The following LRRC9 variants were observed in gnomAD, a reference collection of about 807,000 sequenced individuals.
The protein encoded by LRRC9 is leucine rich repeat containing 9.
LRRC9 carries 122 observed loss-of-function variants against 63.2 expected under a neutral mutation model. The ratio of observed to expected loss-of-function variants is 1.93; its 90% CI spans 1.67 to 2.24. The LOEUF is 2.24. Ranked by LOEUF, LRRC9 falls within the 30% of genes most tolerant of loss-of-function variation. The probability of loss-of-function intolerance (pLI) is 0.00; values close to 1 mark genes in which losing one functional copy is unlikely to be tolerated. For missense variants in LRRC9, 1,071 were observed against 627.7 expected, an observed-to-expected ratio of 1.71 and a Z score of -7.55; for synonymous variants, 366 against 213.1, an observed-to-expected ratio of 1.72 and a Z score of -6.25.
downstream of LRRC9, among the ~76,000 whole-genome samples, chr14:60,066,370 C>T (rs2140491195): frequency 6.6e-6 from 1 of 152,052 alleles, no homozygotes; most frequent in East Asian, 1.9e-4. Flanking sequence ...GCTCTAGGCT[C>T]TTGGCTTCAA....
intron 17 of LRRC9, among the ~76,000 whole-genome samples, chr14:59,991,347 T>C (rs1362206760): frequency 6.6e-6 from 1 of 152,164 alleles, no homozygotes; most frequent in Non-Finnish European, 1.5e-5. Flanking sequence ...AGAGCCAAGA[T>C]GGCCACATAG....
intron 10 of LRRC9, among the ~76,000 whole-genome samples, chr14:59,965,856 C>T (rs553519495): frequency 3.1e-3 from 359 of 115,594 alleles, no homozygotes; most frequent in Middle Eastern, 0.014. Context: ...GCACTCTAGC[C>T]TGGGCGACAG....
At chr14:60,057,326 A>C (rs1894358283) in intron 30 of LRRC9, among the ~76,000 whole-genome samples, 1 of 152,156 alleles carries the variant, frequency 6.6e-6, no homozygotes, top group African/African-American at 2.4e-5. Flanking sequence ...AGCAGGTGTA[A>C]AATGTAAATA....
chr14:59,955,032 G>A (rs1764283538), intron 8 of LRRC9, among the ~76,000 whole-genome samples: 1 of 152,164 alleles, frequency 6.6e-6, no homozygotes, highest in Admixed American at 6.5e-5. Context: ...ATGTGCTGCT[G>A]GATTTGGTTT....
chr14:60,005,219 A>G (rs1307651963), intron 21 of LRRC9, among the ~76,000 whole-genome samples: 4 of 152,094 alleles, frequency 2.6e-5, no homozygotes, highest in Admixed American at 2.0e-4. Flanking sequence ...AGAATCACTT[A>G]GGACACTTAT....
At chr14:59,941,553 A>G (rs1881767151) in intron 7 of LRRC9, among the ~76,000 whole-genome samples, 1 of 151,982 alleles carries the variant, frequency 6.6e-6, no homozygotes, top group African/African-American at 2.4e-5. Context: ...AGTATTATGT[A>G]TATTAAAACA....
intron 30 of LRRC9, chr14:60,057,647 C>G (rs1212669739): frequency 4.6e-6 from 1 of 218,794 alleles, no homozygotes; most frequent in African/African-American, 3.1e-5. Context: ...TGGTACAATG[C>G]AGTCTGAAAA....
Position 60,003,732 on chromosome 14 carries a change from G to T in LRRC9, c.2776G>T (p.Gly926Cys). The change falls in exon 21 of 32, where the codon GGT becomes TGT. Residue 926 changes from glycine to cysteine, a missense_variant. Physicochemically the swap from Gly to Cys is radical, Grantham distance 159. Transcript: ENST00000445360. This position sits in a 1 kb window ranked among gnomAD's most constrained non-coding sequence, Gnocchi z 4.2. ...CAATAATAATCTCACTAAAATGGAG[G>T]GTCTGGAATCCTGTATTAACTTGGA... 2.9e-6 allele frequency: 2 copies of T among 692,302 alleles called. No homozygotes were observed. The highest frequency in any genetic ancestry group is 5.2e-6 in the Non-Finnish European group (2 of 381,384). The allele number at this position is 692,302 out of a possible 1,614,324, so 42.9% of individuals were successfully genotyped here.
intron 29 of LRRC9, among the ~76,000 whole-genome samples, chr14:60,043,230 G>C (rs758614212): frequency 1.3e-5 from 2 of 152,172 alleles, no homozygotes; most frequent in African/African-American, 4.8e-5. Context: ...TAGGATCACA[G>C]TGTCTGCAAA....
At chr14:59,997,813 T>C (rs1291026290) in exon 18 of LRRC9, 6 of 700,836 alleles carry the variant, frequency 8.6e-6, no homozygotes, top group Non-Finnish European at 1.6e-5. Context: ...ACAAGCCTTC[T>C]CACTCTTGAT....
intron 30 of LRRC9, among the ~76,000 whole-genome samples, chr14:60,055,164 A>G (rs1014020304): frequency 6.6e-6 from 1 of 152,242 alleles, no homozygotes; most frequent in African/African-American, 2.4e-5. Flanking sequence ...TGTGATTTTA[A>G]AAGTTTTACA....
chr14:59,947,511 A>C (rs1239457492), intron 8 of LRRC9, among the ~76,000 whole-genome samples: 5 of 131,326 alleles, frequency 3.8e-5, no homozygotes, highest in Non-Finnish European at 8.0e-5. Context: ...CTTTACTTTA[A>C]TTAGATCCCA....
chr14:60,041,968 G>T (rs1210218203), intron 29 of LRRC9, among the ~76,000 whole-genome samples: 1 of 152,098 alleles, frequency 6.6e-6, no homozygotes, highest in Admixed American at 6.5e-5. Flanking sequence ...TCTTTCTAAC[G>T]GTCAGGACCC....
Position 60,042,156 on chromosome 14 carries a change from C to T in LRRC9, c.3990+10093C>T, listed in dbSNP as rs780177080. ...CCAGCTGTATGAGGTGTCAGTCAGC[C>T]CCTACTGGGACGTGCCTCCCAGTTA... On this transcript the variant is annotated intron_variant, in intron 29 of 31. Coordinates refer to ENST00000445360, the Ensembl canonical transcript of LRRC9. The surrounding 1 kb of genome is among the most constrained non-coding windows in gnomAD (Gnocchi z 4.2). Among the ~76,000 whole-genome samples the T allele has an allele frequency of 6.6e-6, 1 of 152,222 alleles. No homozygotes were observed. Among genetic ancestry groups the T allele is most frequent in the Non-Finnish European group, 1.5e-5 (1 of 68,046 alleles).
At chr14:60,006,160 A>G (rs954253589) in intron 21 of LRRC9, among the ~76,000 whole-genome samples, 1 of 152,124 alleles carries the variant, frequency 6.6e-6, no homozygotes, top group African/African-American at 2.4e-5. Context: ...TTAACTCCTA[A>G]GAAGAAGGAA....
chr14:59,938,710 G>T lies in LRRC9; in HGVS notation c.726+138G>T, dbSNP rs1298857009. On this transcript the variant is annotated intron_variant, in intron 7 of 31. Transcript: ENST00000445360. This position sits in a 1 kb window ranked among gnomAD's most constrained non-coding sequence, Gnocchi z 4.2. ...AGTCTGCTTTTGCCCTAGTGAACTG[G>T]ATATTACACATAAAAGTATATAAAT... The T allele has an allele frequency of 2.3e-6, 1 of 427,986 alleles. No individual in the cohort carries two copies. The highest frequency in any genetic ancestry group is 2.1e-5 in the African/African-American group (1 of 48,616). The allele number at this position is 427,986 out of a possible 1,614,324, so 26.5% of individuals were successfully genotyped here.
intron 15 of LRRC9, among the ~76,000 whole-genome samples, chr14:59,980,644 C>T (rs1800298346): frequency 6.6e-6 from 1 of 152,186 alleles, no homozygotes; most frequent in Admixed American, 6.5e-5. Flanking sequence ...CTGTCTACTC[C>T]ATTTACTCAG....
At chr14:59,955,620 G>C (rs189322003) in intron 8 of LRRC9, among the ~76,000 whole-genome samples, 1 of 152,036 alleles carries the variant, frequency 6.6e-6, no homozygotes, top group African/African-American at 2.4e-5. Context: ...TTTTTTGAAG[G>C]GTTTTTCATG....
intron 7 of LRRC9, among the ~76,000 whole-genome samples, chr14:59,939,032 T>C (rs1227933120): frequency 6.8e-6 from 1 of 147,732 alleles, no homozygotes; most frequent in Non-Finnish European, 1.5e-5. Flanking sequence ...TATACATATA[T>C]ACACATATAT....
Sources: allele counts gnomAD v4.1 joint callset (sites outside exome capture counted in the v4.1 genomes callset), GRCh38; gene constraint gnomAD v4.1.1; non-coding constraint Gnocchi (gnomAD v3.1); transcripts MANE v1.5; gene names NCBI Gene and HGNC (gene_info 2026-07-23, HGNC 2026-07-21).